COL4A3: variants seen among roughly 807,000 people sequenced by gnomAD.
COL4A3 encodes the protein collagen type IV alpha 3 chain.
Under a neutral mutation model 217.4 loss-of-function variants are expected in COL4A3, and 135 were observed. That is an observed-to-expected ratio of 0.62 (90% CI 0.54 to 0.72). The LOEUF is 0.72. Among genes scored for constraint, COL4A3 ranks in the 30% least tolerant of loss-of-function variants. The probability of loss-of-function intolerance (pLI) is 0.00; values close to 1 mark genes in which losing one functional copy is unlikely to be tolerated. For missense variants in COL4A3, 1,868 were observed against 2,119.9 expected (o/e 0.88, Z 2.33); for synonymous variants, 690 against 736.3 (o/e 0.94, Z 1.02).
Position 227,253,153 on chromosome 2 carries a change from T to C in COL4A3, c.646-143T>C, listed in dbSNP as rs2069887993. On this transcript the variant is annotated intron_variant, in intron 11 of 51. Coordinates refer to ENST00000396578, the MANE Select transcript of COL4A3 (RefSeq NM_000091.5). This position sits in a 1 kb window ranked among gnomAD's most constrained non-coding sequence, Gnocchi z 4.4. Reference sequence around the variant, plus strand: ...AAAGAAACATATCAATGCTCTTCTCTAAGAAATAGCTAAAATATGTATCAT... The same window carrying C: ...AAAGAAACATATCAATGCTCTTCTCCAAGAAATAGCTAAAATATGTATCAT... 2.7e-6 allele frequency: 2 copies of C among 732,352 alleles called. No individual in the cohort carries two copies. The highest frequency in any genetic ancestry group is 5.4e-5 in the East Asian group (2 of 36,882). 45.4% of individuals were successfully genotyped at this position (732,352 alleles called of 1,614,324 possible).
At chr2:227,222,820 C>T (rs2067884611) in intron 1 of COL4A3, among the ~76,000 whole-genome samples, 1 of 152,168 alleles carries the variant, frequency 6.6e-6, no homozygotes, top group South Asian at 2.1e-4. Flanking sequence ...GCAGGAATCG[C>T]ACCTGCAGCC....
Position 227,234,200 on chromosome 2 carries a change from GAGAC to G in COL4A3, c.88-3760_88-3757del, listed in dbSNP as rs753270988. On this transcript the variant is annotated intron_variant, in intron 1 of 51. Transcript: ENST00000396578. ...GTGGAGAGAGAGAAAGAGAGAAGGAGAGACAGACAGAGAGATGGAGTAGGTGGGA... is the reference window on the plus strand; with the variant it reads ...GTGGAGAGAGAGAAAGAGAGAAGGAGAGACAGAGAGATGGAGTAGGTGGGA... Among the ~76,000 whole-genome samples the G allele has an allele frequency of 1.1e-3, 162 of 152,218 alleles. 1 individual carries two copies. The highest frequency in any genetic ancestry group is 3.5e-3 in the African/African-American group (144 of 41,522).
intron 1 of COL4A3, among the ~76,000 whole-genome samples, chr2:227,207,617 A>G (rs1203111132): frequency 1.3e-5 from 2 of 152,220 alleles, no homozygotes; most frequent in Non-Finnish European, 2.9e-5. Flanking sequence ...GCAGGGGCAG[A>G]AGTGACTAGT....
chr2:227,296,032 C>T (rs2073013566), intron 41 of COL4A3, among the ~76,000 whole-genome samples: 1 of 152,188 alleles, frequency 6.6e-6, no homozygotes, highest in Non-Finnish European at 1.5e-5. Flanking sequence ...GCAAAGAGGC[C>T]TAACACACTG....
chr2:227,222,162 TAATGATAATGATAATAA>T (rs1357350603), intron 1 of COL4A3, among the ~76,000 whole-genome samples: 19 of 76,516 alleles, frequency 2.5e-4, no homozygotes, highest in South Asian at 1.3e-3. Context: ...ATAATAATAA[TAATGATAATGATAATAA>T]AAAGCTCCTT....
chr2:227,225,337 T>C (rs2068028739), intron 1 of COL4A3, among the ~76,000 whole-genome samples: 1 of 152,220 alleles, frequency 6.6e-6, no homozygotes, highest in Non-Finnish European at 1.5e-5. Flanking sequence ...CAGCTCGAAT[T>C]TTCCATCACT....
chr2:227,227,046 CTTAA>C (rs1456314085), intron 1 of COL4A3, among the ~76,000 whole-genome samples: 1 of 152,152 alleles, frequency 6.6e-6, no homozygotes, highest in Non-Finnish European at 1.5e-5. Flanking sequence ...TTATTTCTCT[CTTAA>C]TTTTGTTTCA....
chr2:227,171,334 A>C (rs1019638115), intron 1 of COL4A3, among the ~76,000 whole-genome samples: 1 of 152,174 alleles, frequency 6.6e-6, no homozygotes, highest in Non-Finnish European at 1.5e-5. Flanking sequence ...ACGCTTTGAG[A>C]TAGTGTATGT....
At chr2:227,289,381 A>G in intron 35 of COL4A3, 133 bp downstream of exon 35, 1 of 740,260 alleles carries the variant, frequency 1.4e-6, no homozygotes, top group African/African-American at 1.8e-5. Context: ...GAAATTTGCT[A>G]CTAAATTAAC....
At chr2:227,229,987 C>G (rs1171327213) in intron 1 of COL4A3, among the ~76,000 whole-genome samples, 1 of 150,020 alleles carries the variant, frequency 6.7e-6, no homozygotes, top group Non-Finnish European at 1.5e-5. Flanking sequence ...GGAGGTGGAG[C>G]TTGCAGTGAG....
intron 1 of COL4A3, among the ~76,000 whole-genome samples, chr2:227,176,322 C>A (rs1442582772): frequency 6.6e-6 from 1 of 152,100 alleles, no homozygotes; most frequent in Non-Finnish European, 1.5e-5. Flanking sequence ...TTTCCACATA[C>A]CAGCGTCGGT....
intron 46 of COL4A3, 116 bp from the exon 47 acceptor site, chr2:227,304,869 C>A: frequency 1.2e-6 from 1 of 843,698 alleles, no homozygotes; most frequent in Non-Finnish European, 2.0e-6. Flanking sequence ...AGGATCTTCC[C>A]AGGATGCAGG....
rs1383954433 is a variant in COL4A3, at chr2:227,263,786, C to T, written c.1157C>T (p.Ser386Leu). ...AATGATTATTTTCTCCAAGGATCATCAAGGCCTGGCCTCAGAGGAGCCCCT... is the reference window on the plus strand; with the variant it reads ...AATGATTATTTTCTCCAAGGATCATTAAGGCCTGGCCTCAGAGGAGCCCCT... ...PPGVPGSPGS[S>L]RPGLRGAPGW... The change falls in exon 21 of 52, where the codon TCA (serine) becomes TTA (leucine). Residue 386 changes from serine to leucine, a missense_variant. This residue lies in a region of COL4A3 where 1,503 missense variants were observed against 1,786.1 expected (regional missense o/e 0.84). Coordinates refer to ENST00000396578, the MANE Select transcript of COL4A3 (RefSeq NM_000091.5). The T allele has an allele frequency of 1.9e-6, 3 of 1,613,580 alleles. No individual in the cohort carries two copies. Among genetic ancestry groups the T allele is most frequent in the Non-Finnish European group, 1.7e-6 (2 of 1,179,630 alleles).
At chr2:227,213,915 A>AAG (rs1553742535) in intron 1 of COL4A3, among the ~76,000 whole-genome samples, 2 of 128,670 alleles carry the variant, frequency 1.6e-5, no homozygotes, top group East Asian at 3.9e-4. Flanking sequence ...AAAAAAAAAA[A>AAG]AAAAGAAAAA....
intron 1 of COL4A3, among the ~76,000 whole-genome samples, chr2:227,193,627 T>C (rs1252080601): frequency 6.6e-6 from 1 of 151,458 alleles, no homozygotes; most frequent in Admixed American, 6.6e-5. Flanking sequence ...CAGGAGAATC[T>C]CTTGAACCAG....
chr2:227,197,041 G>A (rs1324831216), intron 1 of COL4A3, among the ~76,000 whole-genome samples: 1 of 151,688 alleles, frequency 6.6e-6, no homozygotes, highest in Non-Finnish European at 1.5e-5. Flanking sequence ...TTTAGAAAGG[G>A]GAGTTTCCCT....
At chr2:227,218,807 T>A (rs2067636874) in intron 1 of COL4A3, among the ~76,000 whole-genome samples, 1 of 152,236 alleles carries the variant, frequency 6.6e-6, no homozygotes, top group Non-Finnish European at 1.5e-5. Flanking sequence ...GAATTTCAAT[T>A]GTTTTGCTTT....
At chr2:227,195,195 T>A (rs181669172) in intron 1 of COL4A3, among the ~76,000 whole-genome samples, 1 of 152,290 alleles carries the variant, frequency 6.6e-6, no homozygotes, top group Non-Finnish European at 1.5e-5. Flanking sequence ...TTACAAATCT[T>A]TATAAATAGA....
chr2:227,253,486 A>G lies in COL4A3; in HGVS notation c.688-75A>G, dbSNP rs575941640. The G allele has an allele frequency of 7.7e-6, 11 of 1,432,430 alleles. No individual in the cohort carries two copies. The highest frequency in any genetic ancestry group is 2.3e-5 in the East Asian group (1 of 44,002). 88.7% of individuals were successfully genotyped at this position (1,432,430 alleles called of 1,614,324 possible). On this transcript the variant is annotated intron_variant, in intron 12 of 51. Transcript: ENST00000396578. This position sits in a 1 kb window ranked among gnomAD's most constrained non-coding sequence, Gnocchi z 4.4. ...TATAAGCACTAAAGGGGAAAAGTAG[A>G]CCTTTCAAACGTAGTAACATTGAAA...
Sources: allele counts gnomAD v4.1 joint callset (sites outside exome capture counted in the v4.1 genomes callset), GRCh38; gene constraint gnomAD v4.1.1; regional missense constraint gnomAD v4.1.1; non-coding constraint Gnocchi (gnomAD v3.1); transcripts MANE v1.5; gene names NCBI Gene and HGNC (gene_info 2026-07-23, HGNC 2026-07-21).